Variants in FSCN3 observed in about 807,000 individuals in gnomAD.
The protein encoded by FSCN3 is fascin-3.
FSCN3 carries 43 observed loss-of-function variants against 53.5 expected under a neutral mutation model. The observed-to-expected ratio is 0.80, with a 90% CI of 0.63 to 1.04. The LOEUF is 1.04. FSCN3 is among the 50% of genes least tolerant of loss of function. The pLI, the probability that FSCN3 is intolerant of heterozygous loss-of-function variation, is 0.00. For synonymous variants in FSCN3, 235 were observed against 246.6 expected, an observed-to-expected ratio of 0.95 and a Z score of 0.44; for missense variants, 594 against 646.5, an observed-to-expected ratio of 0.92 and a Z score of 0.88.
rs553088116 is a variant in FSCN3 at position 127,598,858 on chromosome 7, G to A, written c.1120+264G>A. On this transcript the variant is annotated intron_variant, in intron 4 of 6. Coordinates refer to ENST00000265825, the MANE Select transcript of FSCN3 (RefSeq NM_020369.3). ...GCCTGTAATCCCAGCTACTTAGGAGGCTAAGGCAGGAGAATTGCTTGAACC... is the reference window on the plus strand; with the variant it reads ...GCCTGTAATCCCAGCTACTTAGGAGACTAAGGCAGGAGAATTGCTTGAACC... Among the ~76,000 whole-genome samples, 59 of 152,056 alleles carry A rather than the reference G, an allele frequency of 3.9e-4. 1 individual carries two copies. In the South Asian group the frequency reaches 0.012, roughly 31 times the overall value.
chr7:127,598,667 T>G, intron 4 of FSCN3, 73 bp downstream of exon 4: 1 of 1,337,120 alleles, frequency 7.5e-7, no homozygotes, highest in East Asian at 2.3e-5. Flanking sequence ...AATATGATTG[T>G]TAAAAAGAGC....
At chr7:127,598,294 G>T (rs1794420750) in intron 3 of FSCN3, 141 bp from the exon 4 acceptor site, 12 of 765,412 alleles carry the variant, frequency 1.6e-5, no homozygotes, top group Non-Finnish European at 2.2e-5. Flanking sequence ...TTCCAAAAAG[G>T]TTCTGAAAGC....
At chr7:127,597,370 C>A (rs1794404355) in intron 3 of FSCN3, among the ~76,000 whole-genome samples, 1 of 152,164 alleles carries the variant, frequency 6.6e-6, no homozygotes, top group Non-Finnish European at 1.5e-5. Flanking sequence ...TCCATATCCT[C>A]ACCAATAGTA....
chr7:127,600,381 G>T lies in FSCN3; in HGVS notation c.1479G>T (p.Glu493Asp), dbSNP rs1222627106. The part of the protein sequence containing the change: ...LLADSEDITR[E>D]CIWEF ...CAGACAGTGAAGACATTACCAGAGA[G>T]TGTATCTGGGAATTTTAGGTAAGGG... The change falls in exon 6 of 7, where the codon GAG (glutamate) becomes GAT (aspartate). Residue 493 changes from glutamate to aspartate, a missense_variant. Coordinates refer to ENST00000265825, the MANE Select transcript of FSCN3 (RefSeq NM_020369.3). 3.7e-6 allele frequency: 6 copies of T among 1,605,540 alleles called. No homozygotes were observed. The highest frequency in any genetic ancestry group is 4.3e-6 in the Non-Finnish European group (5 of 1,172,238).
At position 127,598,467 on chromosome 7, in the gene FSCN3, C is replaced by T. The variant is rs936401428; in HGVS notation, c.993C>T (p.His331=). ...RRHRAVMADG[H]PLESDTFFRM... is the part of the protein sequence containing the mutation. ...ACAGGGCAGTAATGGCTGATGGGCA[C>T]CCCCTGGAGTCTGACACGTTCTTCC... The change falls in exon 4 of 7, where the codon CAC becomes CAT. Residue 331 remains histidine (H), a synonymous_variant. Coordinates refer to ENST00000265825, the MANE Select transcript of FSCN3 (RefSeq NM_020369.3). The T allele has an allele frequency of 6.2e-7, 1 of 1,613,812 alleles. No homozygotes were observed. The highest frequency in any genetic ancestry group is 1.1e-5 in the South Asian group (1 of 91,060).
intron 3 of FSCN3, among the ~76,000 whole-genome samples, chr7:127,598,111 G>T (rs1451141925): frequency 1.3e-5 from 2 of 152,164 alleles, no homozygotes; most frequent in African/African-American, 4.8e-5. Context: ...TTTTCTTCTA[G>T]ATGTTTCATA....
At position 127,599,438 on chromosome 7, in the gene FSCN3, G is replaced by T; in HGVS notation, c.1178G>T (p.Gly393Val). Residue 393 changes from glycine to valine, a missense_variant, in exon 5 of 7, where the codon GGT becomes GTT. Coordinates refer to ENST00000265825, the MANE Select transcript of FSCN3 (RefSeq NM_020369.3). ...AATCGCTCCTTCCTTGTATTGCGAG[G>T]TCGTTATGGCTATGTGGGCTCCTCA... ...FANRSFLVLR[G>V]RYGYVGSSSG... 6.2e-7 allele frequency: 1 copy of T among 1,613,960 alleles called. No individual in the cohort carries two copies. The highest frequency in any genetic ancestry group is 8.5e-7 in the Non-Finnish European group (1 of 1,179,910).
rs772390689 is a variant in FSCN3, at chr7:127,595,300, C to T, written c.145-7C>T. The T allele has an allele frequency of 5.0e-6, 8 of 1,599,722 alleles. No homozygotes were observed. Among genetic ancestry groups the T allele is most frequent in the Admixed American group, 1.7e-5 (1 of 59,108 alleles). ...GATTTCCCTCTTCTCCCTCCTGATG[C>T]CTCCAGACCTGGGAGATCTTGGTGA... is the stretch of plus-strand genomic sequence containing the variant. On this transcript the variant is annotated splice_polypyrimidine_tract_variant and splice_region_variant and intron_variant, in intron 1 of 6. Coordinates refer to ENST00000265825, the MANE Select transcript of FSCN3 (RefSeq NM_020369.3).
In FSCN3 at chr7:127,600,502, C is replaced by T. The variant is rs1404434984; in HGVS notation, c.*103C>T. The stretch of plus-strand genomic sequence containing the variant: ...CATGTGATGGGAAGACCAAAATGCA[C>T]TCCCAGGCTGACTTCTGTCCCATAA... On this transcript the variant is annotated intron_variant, in intron 6 of 6. Transcript: ENST00000265825. 7.5e-6 allele frequency: 5 copies of T among 669,632 alleles called. No homozygotes were observed. The Admixed American group carries it at 1.2e-4, about 16-fold the overall frequency. 41.5% of individuals were successfully genotyped at this position (669,632 alleles called of 1,614,324 possible). A position where few individuals can be genotyped will look rare whatever the true frequency, so the allele number is the denominator to read the frequency against.
In FSCN3 at chr7:127,595,721, G is replaced by A. The variant is rs1173381820; in HGVS notation, c.559G>A (p.Gly187Arg). ...TGGCTTCCTGTTGCATTTCCGAGAT[G>A]GATGCTACCACCTGGAGACCTCTAC... is the stretch of plus-strand genomic sequence containing the variant. ...ECGFLLHFRD[G>R]CYHLETSTHH... Residue 187 changes from glycine (G) to arginine (R), a missense_variant, in exon 2 of 7, where the codon GGA (glycine) becomes AGA (arginine). By Grantham distance (125) the Gly-to-Arg change is moderately radical (BLOSUM62 -2). Transcript: ENST00000265825. The A allele has an allele frequency of 1.2e-6, 2 of 1,613,516 alleles. No individual in the cohort carries two copies. Among genetic ancestry groups the A allele is most frequent in the Admixed American group, 1.7e-5 (1 of 59,988 alleles).
In FSCN3 at chr7:127,599,500, C is replaced by T. The variant is rs140420927; in HGVS notation, c.1240C>T (p.Pro414Ser). 14 of 1,614,166 alleles carry T rather than the reference C, an allele frequency of 8.7e-6. No homozygotes were observed. The African/African-American group carries it at 1.6e-4, about 18-fold the overall frequency. Residue 414 changes from proline (P) to serine (S), a missense_variant, in exon 5 of 7, where the codon CCC becomes TCC. Transcript: ENST00000265825. ...HDLIQCNQDQ[P>S]DRIHLLPCRP... ...CCTCATACAGTGCAACCAGGATCAG[C>T]CCGACCGCATTCATCTACTACCCTG...
In FSCN3 at chr7:127,600,197, AG is replaced by A. The variant is rs771126835; in HGVS notation, c.1301del (p.Gly434AspfsTer6). Reference sequence around the variant, plus strand: ...ACCTGAGCTCTTCCTTCTCCAGCACAGGGGGGATCCTTCTGGTCAATAACAT... The same window carrying A: ...ACCTGAGCTCTTCCTTCTCCAGCACAGGGGGATCCTTCTGGTCAATAACAT... Reference protein sequence around the residue: ...CRPGIYHFQAQGGSFWSITSF... With the variant: ...CRPGIYHFQAXGGSFWSITSF... On this transcript the variant is annotated frameshift_variant, in exon 6 of 7. Transcript: ENST00000265825. LOFTEE classifies it high-confidence loss of function. 15 of 1,584,720 alleles carry A rather than the reference AG, an allele frequency of 9.5e-6. No homozygotes were observed. The highest frequency in any genetic ancestry group is 1.1e-5 in the Non-Finnish European group (13 of 1,153,292).
intron 4 of FSCN3, among the ~76,000 whole-genome samples, chr7:127,598,946 C>T (rs146436963): frequency 4.1e-5 from 6 of 147,448 alleles, no homozygotes; most frequent in South Asian, 2.1e-4. Flanking sequence ...GGCGACAGAG[C>T]GAGACTCTAT....
rs1374292871 is a variant in FSCN3 at position 127,595,411 on chromosome 7, TTA to T, written c.251_252del (p.Tyr84TrpfsTer76). The stretch of plus-strand genomic sequence containing the variant: ...TGTGTGAGTGTGATGGCACCGTGTG[TTA>T]TGGCCGCCCAAGGACCAGCCACCAT... The part of the protein sequence containing the change: ...LLCECDGTVC[Y>X]GRPRTSHHGC... On this transcript the variant is annotated frameshift_variant, in exon 2 of 7. Transcript: ENST00000265825. LOFTEE classifies it high-confidence loss of function. 3.1e-6 allele frequency: 5 copies of T among 1,614,050 alleles called. No homozygotes were observed.
At chr7:127,594,045 T>C (rs769453194) in intron 1 of FSCN3, 48 bp downstream of exon 1, 155 of 1,360,730 alleles carry the variant, frequency 1.1e-4, no homozygotes, top group Non-Finnish European at 1.4e-4. Flanking sequence ...GTGGCCAAGC[T>C]GTGTGTGTGT....
At chr7:127,594,081 TGA>T (rs1460215932) in intron 1 of FSCN3, 84 bp downstream of exon 1, 14 of 1,451,460 alleles carry the variant, frequency 9.6e-6, no homozygotes, top group African/African-American at 8.9e-5. Context: ...TGTGTGTGCG[TGA>T]GTGTATGTGT....
chr7:127,595,580 C>A lies in FSCN3; in HGVS notation c.418C>A (p.Pro140Thr). Residue 140 changes from proline to threonine, a missense_variant, in exon 2 of 7, where the codon CCA (proline) becomes ACA (threonine). Physicochemically the swap from Pro to Thr is conservative, Grantham distance 38 (BLOSUM62 -1). Coordinates refer to ENST00000265825, the MANE Select transcript of FSCN3 (RefSeq NM_020369.3). ...LSAYHMWTPR[P>T]ALHVHVILYS... ...AGCTTACCACATGTGGACCCCCCGA[C>A]CAGCCCTCCATGTCCACGTGATCCT... 3 of 1,614,168 alleles carry A rather than the reference C, an allele frequency of 1.9e-6. No individual in the cohort carries two copies. Among genetic ancestry groups the A allele is most frequent in the Non-Finnish European group, 2.5e-6 (3 of 1,180,008 alleles).
intron 1 of FSCN3, chr7:127,594,518 AGAG>A (rs1562955408): frequency 2.1e-6 from 1 of 470,824 alleles, no homozygotes; most frequent in Admixed American, 2.3e-5. Flanking sequence ...GTCAGAAAGA[AGAG>A]AAGTGGAGAG....
intron 3 of FSCN3, 87 bp from the exon 4 acceptor site, chr7:127,598,348 G>C: frequency 7.9e-7 from 1 of 1,257,948 alleles, no homozygotes; most frequent in East Asian, 2.3e-5. Context: ...TGGGATGTGG[G>C]AAGAGGGTCT....
Sources: allele counts gnomAD v4.1 joint callset (sites outside exome capture counted in the v4.1 genomes callset), GRCh38; gene constraint gnomAD v4.1.1; transcripts MANE v1.5; gene names NCBI Gene and HGNC (gene_info 2026-07-23, HGNC 2026-07-21).